The following NPHP1 variants were observed in gnomAD, a reference collection of about 807,000 sequenced individuals.
NPHP1 encodes the protein nephrocystin-1.
Under a neutral mutation model 90.4 loss-of-function variants are expected in NPHP1, and 70 were observed. The ratio of observed to expected loss-of-function variants is 0.77; its 90% CI spans 0.64 to 0.95. NPHP1 has a LOEUF of 0.95. Among genes scored for constraint, NPHP1 ranks in the 40% least tolerant of loss-of-function variants. The probability of loss-of-function intolerance (pLI) is 0.00; values close to 1 mark genes in which losing one functional copy is unlikely to be tolerated. For synonymous variants in NPHP1, 256 were observed against 271.7 expected (o/e 0.94, Z 0.57); for missense variants, 764 against 795.9 (o/e 0.96, Z 0.48).
chr2:110,149,134 A>G (rs1046212848), intron 12 of NPHP1, among the ~76,000 whole-genome samples: 10 of 152,170 alleles, frequency 6.6e-5, no homozygotes, highest in Non-Finnish European at 1.2e-4. Context: ...TTAGGGTTCC[A>G]TAAGTAGATG....
intron 4 of NPHP1, 92 bp downstream of exon 4, chr2:110,178,331 A>G (rs1683647901): frequency 1.6e-6 from 2 of 1,224,292 alleles, no homozygotes; most frequent in African/African-American, 3.0e-5. Context: ...ATTTGTTTAT[A>G]TCTATACTGC....
intron 8 of NPHP1, 106 bp from the exon 9 acceptor site, chr2:110,163,241 A>G (rs1004139610): frequency 7.4e-6 from 6 of 811,158 alleles, no homozygotes; most frequent in Non-Finnish European, 1.3e-5. Context: ...AAATATAAAC[A>G]TACAGACTTT....
At position 110,168,499 on chromosome 2, in the gene NPHP1, T is replaced by A; in HGVS notation, c.577A>T (p.Lys193Ter). 1.2e-6 allele frequency: 2 copies of A among 1,613,650 alleles called. No individual in the cohort carries two copies. Among genetic ancestry groups the A allele is most frequent in the South Asian group, 1.1e-5 (1 of 91,066 alleles). ...EKKPDGWWIAKDAKGNEGLVP... is the reference protein window; with the variant it reads ...EKKPDGWWIA The stretch of plus-strand genomic sequence containing the variant: ...AGACCTTCATTTCCTTTGGCATCCT[T>A]AGCTATCCACCAACCATCAGGTTTT... The change falls in exon 6 of 20, where the codon AAG becomes TAG. Residue 193 changes from lysine (K) to a stop codon, truncating the protein, a stop_gained. Coordinates refer to ENST00000445609, the MANE Select transcript of NPHP1 (RefSeq NM_001128178.3). LOFTEE classifies it high-confidence loss of function.
intron 2 of NPHP1, among the ~76,000 whole-genome samples, chr2:110,199,619 C>A (rs959229389): frequency 6.6e-6 from 1 of 151,882 alleles, no homozygotes; most frequent in African/African-American, 2.4e-5. Context: ...TGAGACCCCC[C>A]ACATCCCCCC....
chr2:110,195,184 A>G (rs1293508710), intron 2 of NPHP1, among the ~76,000 whole-genome samples: 4 of 152,096 alleles, frequency 2.6e-5, no homozygotes, highest in Non-Finnish European at 5.9e-5. Flanking sequence ...AAGGAAATAA[A>G]GGGTATTCAA....
chr2:110,151,032 G>A (rs562925349), intron 11 of NPHP1, among the ~76,000 whole-genome samples: 4 of 151,728 alleles, frequency 2.6e-5, no homozygotes, highest in South Asian at 4.2e-4. Context: ...TGGGTGTGGT[G>A]GTGTGTGCCT....
intron 18 of NPHP1, chr2:110,127,974 A>G (rs1161743436): frequency 6.6e-6 from 1 of 152,176 alleles, no homozygotes; most frequent in Non-Finnish European, 1.5e-5. Context: ...TAGTGACTTT[A>G]TAGGAGAAGA....
chr2:110,161,989 T>C (rs1182131564), intron 9 of NPHP1, among the ~76,000 whole-genome samples: 1 of 152,140 alleles, frequency 6.6e-6, no homozygotes, highest in African/African-American at 2.4e-5. Flanking sequence ...TTTTGTAAAA[T>C]GCAGAAATCT....
chr2:110,125,144 C>T, intron 19 of NPHP1: 1 of 1,507,936 alleles, frequency 6.6e-7, no homozygotes, highest in Non-Finnish European at 8.8e-7. Context: ...TATAGCCCTT[C>T]CCATTTGCCA....
At chr2:110,130,984 G>A (rs1411683949) in intron 17 of NPHP1, among the ~76,000 whole-genome samples, 1 of 152,042 alleles carries the variant, frequency 6.6e-6, no homozygotes, top group Non-Finnish European at 1.5e-5. Context: ...TCATCACTGG[G>A]CCTAGCATAA....
chr2:110,148,806 T>C (rs1001868044), intron 12 of NPHP1, among the ~76,000 whole-genome samples: 3 of 152,212 alleles, frequency 2.0e-5, no homozygotes, highest in Non-Finnish European at 2.9e-5. Context: ...TGCTCAACTT[T>C]CCTAATGTGT....
At chr2:110,126,536 T>C (rs765763050) in intron 18 of NPHP1, 1 of 152,542 alleles carries the variant, frequency 6.6e-6, no homozygotes, top group Non-Finnish European at 1.5e-5. Context: ...TATTACCACG[T>C]GAGGGGACTA....
intron 2 of NPHP1, among the ~76,000 whole-genome samples, chr2:110,195,387 C>G (rs954833455): frequency 3.3e-5 from 5 of 152,080 alleles, no homozygotes; most frequent in African/African-American, 9.7e-5. Flanking sequence ...CAAATCATGA[C>G]TGAACTCCCA....
At position 110,168,550 on chromosome 2, in the gene NPHP1, C is replaced by A; in HGVS notation, c.526G>T (p.Gly176Trp). 6.2e-7 allele frequency: 1 copy of A among 1,600,800 alleles called. No homozygotes were observed. The highest frequency in any genetic ancestry group is 8.6e-7 in the Non-Finnish European group (1 of 1,168,092). ...QQVGDLTFKK[G>W]EILLVIEKKP... is the part of the protein sequence containing the mutation. ...TTTTCAATTACAAGGAGAATTTCCC[C>A]TTTCTTAAAGCAAAACAAAGTAAAC... is the stretch of plus-strand genomic sequence containing the variant. Residue 176 changes from glycine (G) to tryptophan (W), a missense_variant, in exon 6 of 20, where the codon GGG becomes TGG. Transcript: ENST00000445609.
Position 110,165,093 on chromosome 2 carries a change from C to T in NPHP1, c.687G>A (p.Glu229=). 1.2e-6 allele frequency: 2 copies of T among 1,613,836 alleles called. No individual in the cohort carries two copies. The highest frequency in any genetic ancestry group is 1.7e-6 in the Non-Finnish European group (2 of 1,179,820). The change falls in exon 7 of 20, where the codon GAG becomes GAA. Residue 229 remains glutamate (E), a synonymous_variant. Coordinates refer to ENST00000445609, the MANE Select transcript of NPHP1 (RefSeq NM_001128178.3). ...CTCCATCTGCTGTTTCATCCACCGC[C>T]TCTACATCTTCTTCACTGCCCTCTT... ...SSEEGSEEDV[E]AVDETADGAE... is the part of the protein sequence containing the mutation.
chr2:110,132,048 T>C (rs1237894788), intron 16 of NPHP1, among the ~76,000 whole-genome samples: 1 of 152,210 alleles, frequency 6.6e-6, no homozygotes, highest in Non-Finnish European at 1.5e-5. Flanking sequence ...TATACCTATG[T>C]TAAATGTCAA....
chr2:110,198,062 C>G (rs1180090976), intron 2 of NPHP1, among the ~76,000 whole-genome samples: 1 of 151,998 alleles, frequency 6.6e-6, no homozygotes, highest in Non-Finnish European at 1.5e-5. Context: ...GAAAAGGTAA[C>G]AAACTCTGAA....
Position 110,123,680 on chromosome 2 carries a change from T to C in NPHP1, c.*111A>G, listed in dbSNP as rs1193718099. The C allele has an allele frequency of 3.7e-6, 4 of 1,073,712 alleles. No individual in the cohort carries two copies. The highest frequency in any genetic ancestry group is 3.1e-5 in the African/African-American group (2 of 64,162). 66.5% of individuals were successfully genotyped at this position (1,073,712 alleles called of 1,614,324 possible). On this transcript the variant is annotated 3_prime_UTR_variant, in exon 20 of 20. Transcript: ENST00000445609. Reference sequence around the variant, plus strand: ...AATATGGTCTGTAGAAAGAAAAGAGTAAAACCTAAGTTGTAAAGTGACAGT... The same window carrying C: ...AATATGGTCTGTAGAAAGAAAAGAGCAAAACCTAAGTTGTAAAGTGACAGT...
chr2:110,150,125 T>C (rs1045175455), intron 12 of NPHP1, 57 bp downstream of exon 12: 87 of 1,226,848 alleles, frequency 7.1e-5, no homozygotes, highest in Non-Finnish European at 1.9e-5. Context: ...TTTATAGAAA[T>C]ATGAATATGT....
Sources: allele counts gnomAD v4.1 joint callset (sites outside exome capture counted in the v4.1 genomes callset), GRCh38; gene constraint gnomAD v4.1.1; transcripts MANE v1.5; gene names NCBI Gene and HGNC (gene_info 2026-07-23, HGNC 2026-07-21).